Variants in ACER3 observed in about 807,000 individuals in gnomAD.
ACER3 encodes the protein alkaline ceramidase 3, also known as alkCDase 3.
In ACER3, 16 loss-of-function variants were observed where a neutral mutation model predicts 48.9. The ratio of observed to expected loss-of-function variants is 0.33; its 90% confidence interval spans 0.22 to 0.50. The LOEUF (loss-of-function observed/expected upper bound fraction) is 0.50, where lower values mean the gene tolerates loss of function less well. ACER3 is among the 20% of genes least tolerant of loss of function. ACER3 has a pLI of 0.98. For synonymous variants in ACER3, 109 were observed against 107.8 expected (o/e 1.01, Z -0.07); for missense variants, 227 against 326.0 (o/e 0.70, Z 2.34).
At position 76,956,447 on chromosome 11, in the gene ACER3, C is replaced by T. The variant is rs150665774; in HGVS notation, c.215-2532C>T. ...AGTAGCCACCAGAATAGATTTTCAT[C>T]AGAATACTTTTTTATGTGTTACCCA... On this transcript the variant is annotated intron_variant, in intron 2 of 10. Transcript: ENST00000532485. Among the ~76,000 whole-genome samples, 413 of 152,146 alleles carry T rather than the reference C, an allele frequency of 2.7e-3. 1 individual carries two copies. The highest frequency in any genetic ancestry group is 4.8e-3 in the Non-Finnish European group (326 of 67,982).
chr11:76,970,455 T>C (rs754688034), intron 3 of ACER3, among the ~76,000 whole-genome samples: 12 of 152,156 alleles, frequency 7.9e-5, no homozygotes, highest in Non-Finnish European at 1.5e-4. Context: ...TTCAGAAGTA[T>C]GATAGTCATA....
At chr11:76,960,858 T>C (rs1051991325) in intron 3 of ACER3, among the ~76,000 whole-genome samples, 1 of 151,840 alleles carries the variant, frequency 6.6e-6, no homozygotes, top group Non-Finnish European at 1.5e-5. Context: ...TCCTCCCAAG[T>C]TGGGGGGGTC....
At chr11:76,992,095 C>A (rs950648965) in intron 6 of ACER3, among the ~76,000 whole-genome samples, 1 of 151,984 alleles carries the variant, frequency 6.6e-6, no homozygotes, top group Admixed American at 6.6e-5. Context: ...GCCTGTATTC[C>A]TAGTTACTTG....
intron 3 of ACER3, among the ~76,000 whole-genome samples, chr11:76,967,215 G>A (rs1948162450): frequency 2.0e-5 from 3 of 152,162 alleles, no homozygotes; most frequent in African/African-American, 7.2e-5. Context: ...TAGAAGAAAT[G>A]AATAAATTCC....
chr11:76,913,667 C>A (rs1201759807), intron 1 of ACER3, among the ~76,000 whole-genome samples: 1 of 152,164 alleles, frequency 6.6e-6, no homozygotes, highest in East Asian at 1.9e-4. Flanking sequence ...ATCAAGCTAC[C>A]AATGACTTTC....
chr11:76,958,410 C>T (rs1315267799), intron 2 of ACER3, among the ~76,000 whole-genome samples: 1 of 152,020 alleles, frequency 6.6e-6, no homozygotes, highest in Non-Finnish European at 1.5e-5. Context: ...TGGTCTTGAA[C>T]TCCTGACCTT....
In ACER3 at chr11:76,864,298, A is replaced by G. The variant is rs1945018167; in HGVS notation, c.103+3219A>G. On this transcript the variant is annotated intron_variant, in intron 1 of 10. Transcript: ENST00000532485. The stretch of plus-strand genomic sequence containing the variant: ...ACAGGCAGTCCTTGCTTTGCATCAT[A>G]GTGTGGGACCACACAAATGACTGTG... Among the ~76,000 whole-genome samples the G allele has an allele frequency of 2.0e-5, 3 of 152,264 alleles. 1 individual carries two copies. The highest frequency in any genetic ancestry group is 2.0e-4 in the Admixed American group (3 of 15,286).
At chr11:76,903,079 A>T (rs1946121917) in intron 1 of ACER3, among the ~76,000 whole-genome samples, 1 of 152,152 alleles carries the variant, frequency 6.6e-6, no homozygotes, top group Admixed American at 6.5e-5. Flanking sequence ...TATCCATGAC[A>T]TACCTTTTTC....
chr11:76,914,102 G>T (rs1946459429), intron 1 of ACER3, among the ~76,000 whole-genome samples: 1 of 152,134 alleles, frequency 6.6e-6, no homozygotes. Flanking sequence ...AACCCTGGAA[G>T]AAAACCTAGG....
chr11:76,868,749 G>A (rs1291608478), intron 1 of ACER3, among the ~76,000 whole-genome samples: 1 of 151,916 alleles, frequency 6.6e-6, no homozygotes, highest in Non-Finnish European at 1.5e-5. Flanking sequence ...TACCTTTTTT[G>A]TCCAATCATA....
intron 8 of ACER3, among the ~76,000 whole-genome samples, chr11:77,016,060 T>A (rs1387304432): frequency 6.8e-6 from 1 of 147,368 alleles, no homozygotes; most frequent in Non-Finnish European, 1.5e-5. Context: ...TGAGCCGAGA[T>A]CGTGCTACTG....
chr11:76,892,782 T>A (rs1023703326), intron 1 of ACER3, among the ~76,000 whole-genome samples: 2 of 152,172 alleles, frequency 1.3e-5, no homozygotes, highest in Non-Finnish European at 2.9e-5. Context: ...TTAAGTTAAA[T>A]TAAATAAATT....
intron 2 of ACER3, among the ~76,000 whole-genome samples, chr11:76,926,927 A>G (rs142432682): frequency 3.3e-5 from 5 of 152,258 alleles, no homozygotes; most frequent in African/African-American, 1.2e-4. Flanking sequence ...CTTACTACCC[A>G]GTTTTGTCAG....
chr11:76,918,667 A>G (rs1946603455), intron 1 of ACER3, among the ~76,000 whole-genome samples: 3 of 152,078 alleles, frequency 2.0e-5, no homozygotes, highest in Admixed American at 6.6e-5. Context: ...TCTTTCTCAT[A>G]TCAAATAATC....
chr11:76,999,918 AT>A (rs1238458413), intron 7 of ACER3, among the ~76,000 whole-genome samples: 1 of 152,164 alleles, frequency 6.6e-6, no homozygotes, highest in Non-Finnish European at 1.5e-5. Flanking sequence ...GCTATGAACA[AT>A]TGTAATGCAG....
intron 2 of ACER3, among the ~76,000 whole-genome samples, chr11:76,950,979 C>CT (rs1169955862): frequency 2.0e-5 from 3 of 152,062 alleles, no homozygotes; most frequent in Non-Finnish European, 4.4e-5. Flanking sequence ...AAATATGTGC[C>CT]TTATACTTGC....
intron 3 of ACER3, among the ~76,000 whole-genome samples, chr11:76,973,266 T>G (rs930230459): frequency 4.6e-5 from 7 of 152,206 alleles, no homozygotes; most frequent in Non-Finnish European, 1.0e-4. Flanking sequence ...TTTGAGTCAC[T>G]GCATTTATGG....
At position 77,024,529 on chromosome 11, in the gene ACER3, T is replaced by C. The variant is rs1388850922; in HGVS notation, c.*4202T>C. The C allele has an allele frequency of 2.0e-5, 3 of 152,168 alleles. No individual in the cohort carries two copies. Among genetic ancestry groups the C allele is most frequent in the Admixed American group, 2.0e-4 (3 of 15,272 alleles). 9.4% of individuals were successfully genotyped at this position (152,168 alleles called of 1,614,324 possible). A position where few individuals can be genotyped will look rare whatever the true frequency, so the allele number is the denominator to read the frequency against. Reference sequence around the variant, plus strand: ...AAACTTTTGCCTTGAGTATGAAACCTTGACATTGCTGAAAGAAAAGTGGAA... The same window carrying C: ...AAACTTTTGCCTTGAGTATGAAACCCTGACATTGCTGAAAGAAAAGTGGAA... On this transcript the variant is annotated 3_prime_UTR_variant, in exon 11 of 11. Coordinates refer to ENST00000532485, the MANE Select transcript of ACER3 (RefSeq NM_018367.7).
At chr11:77,006,932 A>T (rs1051194166) in intron 7 of ACER3, among the ~76,000 whole-genome samples, 5 of 151,960 alleles carry the variant, frequency 3.3e-5, no homozygotes, top group Admixed American at 2.6e-4. Context: ...TATCATAGAG[A>T]TACCCCATCT....
Sources: allele counts gnomAD v4.1 joint callset (sites outside exome capture counted in the v4.1 genomes callset), GRCh38; gene constraint gnomAD v4.1.1; transcripts MANE v1.5; gene names NCBI Gene and HGNC (gene_info 2026-07-23, HGNC 2026-07-21).